The following C3orf70 variants were observed in gnomAD, a reference collection of about 807,000 sequenced individuals.
The protein encoded by C3orf70 is chromosome 3 open reading frame 70, also known as UPF0524 protein C3orf70.
Under a neutral mutation model 20.7 loss-of-function variants are expected in C3orf70, and 15 were observed. That is an observed-to-expected ratio of 0.72 (90% CI 0.48 to 1.11). C3orf70 has a LOEUF of 1.11. Among genes scored for constraint, C3orf70 ranks in the 50% most tolerant of loss-of-function variants. C3orf70 has a pLI of 0.00. For synonymous variants in C3orf70, 161 were observed against 125.7 expected (o/e 1.28, Z -1.88); for missense variants, 332 against 317.6 (o/e 1.05, Z -0.34).
At chr3:185,144,010 A>T (rs1253866207) in intron 1 of C3orf70, among the ~76,000 whole-genome samples, 1 of 144,116 alleles carries the variant, frequency 6.9e-6, no homozygotes, top group African/African-American at 2.6e-5. Context: ...ACACACACAC[A>T]CTCAACACAT....
At chr3:185,131,324 T>C (rs1716518859) in intron 1 of C3orf70, among the ~76,000 whole-genome samples, 1 of 152,242 alleles carries the variant, frequency 6.6e-6, no homozygotes, top group Non-Finnish European at 1.5e-5. Flanking sequence ...TAGGTGATCA[T>C]TTCTGCAGTG....
intron 1 of C3orf70, among the ~76,000 whole-genome samples, chr3:185,140,786 TA>T (rs34759953): frequency 0.098 from 9,194 of 94,192 alleles, 351 homozygotes; most frequent in South Asian, 0.15. Flanking sequence ...CCGTCTCTAC[TA>T]AAAAAAAAAA....
At chr3:185,129,273 T>C (rs1336017131) in intron 1 of C3orf70, among the ~76,000 whole-genome samples, 1 of 152,194 alleles carries the variant, frequency 6.6e-6, no homozygotes, top group Non-Finnish European at 1.5e-5. Flanking sequence ...CCCATGTTCA[T>C]GTCCATGTGT....
intron 1 of C3orf70, among the ~76,000 whole-genome samples, chr3:185,087,211 T>A (rs1295449996): frequency 6.6e-6 from 1 of 152,200 alleles, no homozygotes; most frequent in East Asian, 1.9e-4. Context: ...AATAAATGGA[T>A]GAGAACTTTT....
At chr3:185,148,966 G>C (rs1219065463) in intron 1 of C3orf70, among the ~76,000 whole-genome samples, 1 of 152,126 alleles carries the variant, frequency 6.6e-6, no homozygotes, top group Non-Finnish European at 1.5e-5. Context: ...ACATAAAACT[G>C]AACTTCCTTG....
intron 1 of C3orf70, among the ~76,000 whole-genome samples, chr3:185,116,973 G>C (rs1716187860): frequency 6.6e-6 from 1 of 151,896 alleles, no homozygotes; most frequent in Non-Finnish European, 1.5e-5. Context: ...AGTAGAGATG[G>C]GGTTTCACCA....
intron 1 of C3orf70, among the ~76,000 whole-genome samples, chr3:185,107,937 T>A (rs188203840): frequency 6.6e-6 from 1 of 152,264 alleles, no homozygotes; most frequent in South Asian, 2.1e-4. Context: ...TTCTTCCACA[T>A]ACTAATTCAC....
chr3:185,151,361 G>A (rs1716986308), intron 1 of C3orf70, among the ~76,000 whole-genome samples: 1 of 152,148 alleles, frequency 6.6e-6, no homozygotes, highest in African/African-American at 2.4e-5. Flanking sequence ...TTCTACTTGT[G>A]CACTTCAGCA....
intron 1 of C3orf70, among the ~76,000 whole-genome samples, chr3:185,116,512 A>G (rs1479279051): frequency 6.6e-6 from 1 of 152,202 alleles, no homozygotes; most frequent in Non-Finnish European, 1.5e-5. Context: ...TCTACATTCT[A>G]GGATGTTCAG....
At chr3:185,105,910 A>C (rs1715926729) in intron 1 of C3orf70, among the ~76,000 whole-genome samples, 1 of 152,136 alleles carries the variant, frequency 6.6e-6, no homozygotes, top group South Asian at 2.1e-4. Context: ...GAACTTTTTC[A>C]CACTGATGAT....
intron 1 of C3orf70, among the ~76,000 whole-genome samples, chr3:185,100,274 T>C (rs549092668): frequency 6.6e-6 from 1 of 152,246 alleles, no homozygotes; most frequent in Non-Finnish European, 1.5e-5. Flanking sequence ...AAACATACTC[T>C]AAAATCAATC....
chr3:185,135,861 CA>C (rs983962559), intron 1 of C3orf70, among the ~76,000 whole-genome samples: 1 of 148,510 alleles, frequency 6.7e-6, no homozygotes, highest in African/African-American at 2.5e-5. Context: ...AAATGGAATT[CA>C]AAAAAATGTT....
chr3:185,122,799 C>T (rs1716329800), intron 1 of C3orf70, among the ~76,000 whole-genome samples: 2 of 150,714 alleles, frequency 1.3e-5, no homozygotes, highest in Non-Finnish European at 1.5e-5. Context: ...AGAACAAATA[C>T]AAAAGGCAAT....
At chr3:185,117,450 CAG>C (rs1553920805) in intron 1 of C3orf70, among the ~76,000 whole-genome samples, 1 of 67,320 alleles carries the variant, frequency 1.5e-5, no homozygotes, top group African/African-American at 6.7e-5. Context: ...CACACACACA[CAG>C]AAAGAGAGAG....
chr3:185,148,551 C>G (rs1410368965), intron 1 of C3orf70, among the ~76,000 whole-genome samples: 2 of 152,204 alleles, frequency 1.3e-5, no homozygotes, highest in Non-Finnish European at 2.9e-5. Flanking sequence ...TAAGTAGCCA[C>G]AAAATTCTAC....
chr3:185,087,902 T>C (rs1364826531), intron 1 of C3orf70, among the ~76,000 whole-genome samples: 3 of 143,522 alleles, frequency 2.1e-5, no homozygotes, highest in African/African-American at 7.6e-5. Flanking sequence ...TATTTTAAAT[T>C]AGTTTTATAC....
At chr3:185,091,527 G>A (rs1263171401) in intron 1 of C3orf70, among the ~76,000 whole-genome samples, 1 of 151,982 alleles carries the variant, frequency 6.6e-6, no homozygotes, top group Non-Finnish European at 1.5e-5. Flanking sequence ...GGAGTTAAGA[G>A]GCTGCTACAG....
intron 1 of C3orf70, among the ~76,000 whole-genome samples, chr3:185,123,505 T>TC (rs1298123983): frequency 2.7e-5 from 4 of 148,684 alleles, no homozygotes; most frequent in Admixed American, 6.7e-5. Context: ...TATTTTTCTT[T>TC]CCTTTTTTTT....
intron 1 of C3orf70, among the ~76,000 whole-genome samples, chr3:185,126,769 C>T (rs748910413): frequency 6.6e-6 from 1 of 152,302 alleles, no homozygotes; most frequent in East Asian, 1.9e-4. Flanking sequence ...TCAAAACTTA[C>T]AGAGCACATG....
Sources: allele counts gnomAD v4.1 joint callset (sites outside exome capture counted in the v4.1 genomes callset), GRCh38; gene constraint gnomAD v4.1.1; transcripts MANE v1.5; gene names NCBI Gene and HGNC (gene_info 2026-07-23, HGNC 2026-07-21).